The following SPECC1 variants were observed in gnomAD, a reference collection of about 807,000 sequenced individuals.
SPECC1 encodes the protein cytospin-B.
SPECC1 carries 62 observed loss-of-function variants against 104.1 expected under a neutral mutation model. The ratio of observed to expected loss-of-function variants is 0.60; its 90% CI spans 0.49 to 0.74. The LOEUF is 0.74. SPECC1 is among the 30% of genes least tolerant of loss of function. SPECC1 has a pLI of 0.00. For missense variants in SPECC1, 1,306 were observed against 1,310.5 expected (o/e 1.00, Z 0.05); for synonymous variants, 513 against 501.6 (o/e 1.02, Z -0.30).
At chr17:20,071,076 G>T (rs533538483) in intron 1 of SPECC1, among the ~76,000 whole-genome samples, 1 of 151,750 alleles carries the variant, frequency 6.6e-6, no homozygotes, top group African/African-American at 2.4e-5. Flanking sequence ...GCTGGAGTTC[G>T]GTGGCTATTT....
At chr17:20,012,510 A>T (rs1159765345) in intron 1 of SPECC1, among the ~76,000 whole-genome samples, 1 of 149,904 alleles carries the variant, frequency 6.7e-6, no homozygotes, top group Admixed American at 6.6e-5. Flanking sequence ...TAAACGAGCC[A>T]TCTTATTTAA....
chr17:20,201,746 C>G (rs781610220), intron 3 of SPECC1, among the ~76,000 whole-genome samples: 2 of 152,070 alleles, frequency 1.3e-5, no homozygotes, highest in African/African-American at 4.8e-5. Context: ...GTCTTTTCCT[C>G]GTTGAGTGTG....
At chr17:20,228,428 A>C (rs1174357841) in intron 5 of SPECC1, among the ~76,000 whole-genome samples, 3 of 152,206 alleles carry the variant, frequency 2.0e-5, no homozygotes, top group African/African-American at 7.2e-5. Context: ...CAGCCTGATC[A>C]GCTTGAAGGC....
At chr17:20,215,700 T>C (rs901349375) in intron 4 of SPECC1, among the ~76,000 whole-genome samples, 1 of 152,236 alleles carries the variant, frequency 6.6e-6, no homozygotes, top group African/African-American at 2.4e-5. Context: ...AACACTGAAA[T>C]GTTTGAGCCG....
chr17:20,263,635 G>A (rs944443309), intron 12 of SPECC1, among the ~76,000 whole-genome samples: 16 of 152,132 alleles, frequency 1.1e-4, no homozygotes, highest in African/African-American at 3.9e-4. Flanking sequence ...AATAGGAATG[G>A]TGATGGGAAA....
chr17:20,228,456 T>C lies in SPECC1; in HGVS notation c.2071+836T>C, dbSNP rs985906297. Reference sequence around the variant, plus strand: ...TTGAAGGCCACATGTTAGGATACTTTAGCTGTGACTGTGAGAGTTCACAGG... The same window carrying C: ...TTGAAGGCCACATGTTAGGATACTTCAGCTGTGACTGTGAGAGTTCACAGG... On this transcript the variant is annotated intron_variant, in intron 5 of 14. Transcript: ENST00000395527. Among the ~76,000 whole-genome samples the C allele has an allele frequency of 2.6e-5, 4 of 152,334 alleles. No individual in the cohort carries two copies. The South Asian group carries it at 8.3e-4, about 32-fold the overall frequency.
At chr17:20,163,565 T>TC (rs1491545840) in intron 3 of SPECC1, among the ~76,000 whole-genome samples, 41 of 127,084 alleles carry the variant, frequency 3.2e-4, no homozygotes, top group South Asian at 2.0e-3. Context: ...TCTCTCTCTC[T>TC]TTTTTTTTTT....
chr17:20,197,782 G>A (rs1206576801), intron 3 of SPECC1, among the ~76,000 whole-genome samples: 1 of 152,124 alleles, frequency 6.6e-6, no homozygotes, highest in Non-Finnish European at 1.5e-5. Flanking sequence ...TGAAAAGTGG[G>A]CCTGCAGGTA....
chr17:20,222,150 A>G (rs922761113), intron 4 of SPECC1, among the ~76,000 whole-genome samples: 7 of 152,048 alleles, frequency 4.6e-5, no homozygotes, highest in Non-Finnish European at 8.8e-5. Context: ...CCTGGCCAAC[A>G]TGGAGAAACC....
intron 7 of SPECC1, among the ~76,000 whole-genome samples, chr17:20,233,089 CA>C (rs1020046180): frequency 6.6e-6 from 1 of 152,198 alleles, no homozygotes; most frequent in Non-Finnish European, 1.5e-5. Flanking sequence ...AGATGGTTTA[CA>C]GACAAATTTA....
chr17:20,147,610 T>C (rs1597815827), intron 3 of SPECC1, among the ~76,000 whole-genome samples: 1 of 152,294 alleles, frequency 6.6e-6, no homozygotes, highest in Non-Finnish European at 1.5e-5. Flanking sequence ...AAAAATTGGC[T>C]CTGAGTTGGA....
At chr17:20,015,797 G>A (rs1258672683) in intron 1 of SPECC1, among the ~76,000 whole-genome samples, 1 of 149,656 alleles carries the variant, frequency 6.7e-6, no homozygotes, top group Non-Finnish European at 1.5e-5. Flanking sequence ...TGTTAACCAG[G>A]ATGATCTCGA....
At chr17:20,069,912 T>G (rs971141116) in intron 1 of SPECC1, among the ~76,000 whole-genome samples, 1 of 152,170 alleles carries the variant, frequency 6.6e-6, no homozygotes, top group Non-Finnish European at 1.5e-5. Context: ...TATATTTGGA[T>G]TATTCACTGC....
Position 20,158,445 on chromosome 17 carries a change from C to G in SPECC1, c.284-45888C>G, listed in dbSNP as rs137986701. Reference sequence around the variant, plus strand: ...GGAAAGCTTTTGATCATGATGCAGACCCAACACCTATGAAAGGGAAGCGGG... The same window carrying G: ...GGAAAGCTTTTGATCATGATGCAGAGCCAACACCTATGAAAGGGAAGCGGG... On this transcript the variant is annotated intron_variant, in intron 3 of 14. Coordinates refer to ENST00000395527, the MANE Select transcript of SPECC1 (RefSeq NM_001243439.2). 2.0e-5 allele frequency among the ~76,000 whole-genome samples: 3 copies of G among 152,290 alleles called. No individual in the cohort carries two copies. In the East Asian group the frequency reaches 5.8e-4, roughly 29 times the overall value.
chr17:20,234,885 A>T (rs1356398035), intron 7 of SPECC1, among the ~76,000 whole-genome samples: 1 of 152,262 alleles, frequency 6.6e-6, no homozygotes, highest in East Asian at 1.9e-4. Context: ...TAACTCATCC[A>T]TGATCTTCGG....
intron 4 of SPECC1, among the ~76,000 whole-genome samples, chr17:20,224,158 CAG>C (rs575943818): frequency 8.9e-4 from 136 of 152,322 alleles, no homozygotes; most frequent in Admixed American, 1.8e-3. Flanking sequence ...GTTTATGAGG[CAG>C]AGTCTCTTGT....
At chr17:20,032,938 A>G (rs868290577) in intron 1 of SPECC1, among the ~76,000 whole-genome samples, 101 of 130,236 alleles carry the variant, frequency 7.8e-4, no homozygotes, top group East Asian at 5.2e-3. Flanking sequence ...ACACGCGCGC[A>G]CACACACACA....
At chr17:20,168,085 G>A (rs1441311044) in intron 3 of SPECC1, among the ~76,000 whole-genome samples, 1 of 152,092 alleles carries the variant, frequency 6.6e-6, no homozygotes, top group Non-Finnish European at 1.5e-5. Context: ...AGAAAAGATG[G>A]AAAGCATTCC....
intron 12 of SPECC1, among the ~76,000 whole-genome samples, chr17:20,274,863 A>G (rs983734119): frequency 4.6e-5 from 7 of 151,026 alleles, no homozygotes; most frequent in African/African-American, 7.4e-5. Context: ...GAATAATGCT[A>G]TTGATGGTGG....
Sources: gnomAD v4.1 joint callset for allele counts (sites outside exome capture counted in the v4.1 genomes callset) on GRCh38, gnomAD v4.1.1 for gene constraint, MANE v1.5 for transcripts, NCBI Gene and HGNC (gene_info 2026-07-23, HGNC 2026-07-21) for gene names.